The following CACNA1D variants were observed in gnomAD, a reference collection of about 807,000 sequenced individuals.
CACNA1D encodes voltage-dependent L-type calcium channel subunit alpha-1D.
A neutral mutation model predicts 257.1 loss-of-function variants in CACNA1D; 55 were observed. The ratio of observed to expected loss-of-function variants is 0.21; its 90% CI spans 0.17 to 0.27. The LOEUF is 0.27. Among genes scored for constraint, CACNA1D ranks in the 10% least tolerant of loss-of-function variants. The pLI, the probability that CACNA1D is intolerant of heterozygous loss-of-function variation, is 1.00. For missense variants in CACNA1D, 1,876 were observed against 2,784.0 expected (o/e 0.67, Z 7.34); for synonymous variants, 980 against 1,014.9 (o/e 0.97, Z 0.65).
rs907635454 is a variant in CACNA1D, at chr3:53,509,626, G to T, written c.483+7906G>T. Reference sequence around the variant, plus strand: ...GACCCGAGGGAGGGCGGGGAGGCAGGTGCAGACTGCTCAGTGAGTGTGGTG... The same window carrying T: ...GACCCGAGGGAGGGCGGGGAGGCAGTTGCAGACTGCTCAGTGAGTGTGGTG... On this transcript the variant is annotated intron_variant, in intron 3 of 47. Transcript: ENST00000350061. Among the ~76,000 whole-genome samples, 4 of 152,298 alleles carry T rather than the reference G, an allele frequency of 2.6e-5. No homozygotes were observed. The East Asian group carries it at 7.7e-4, about 29-fold the overall frequency.
At chr3:53,781,458 A>G (rs1265561150) in intron 38 of CACNA1D, 108 bp from the exon 39 acceptor site, 4 of 756,898 alleles carry the variant, frequency 5.3e-6, no homozygotes, top group Non-Finnish European at 9.6e-6. Flanking sequence ...GCCCCATCAG[A>G]GGGCAGCATG....
intron 30 of CACNA1D, chr3:53,762,406 C>A: frequency 2.3e-6 from 1 of 432,394 alleles, no homozygotes; most frequent in Non-Finnish European, 4.4e-6. Context: ...AGTGGCGTAT[C>A]TATAACATGT....
intron 3 of CACNA1D, among the ~76,000 whole-genome samples, chr3:53,631,456 C>T (rs1330390713): frequency 6.6e-6 from 1 of 152,120 alleles, no homozygotes; most frequent in African/African-American, 2.4e-5. Context: ...TTGCTATTTC[C>T]ACCATGTCTA....
intron 3 of CACNA1D, among the ~76,000 whole-genome samples, chr3:53,626,994 G>A (rs2093766756): frequency 6.6e-6 from 1 of 152,228 alleles, no homozygotes; most frequent in Non-Finnish European, 1.5e-5. Flanking sequence ...GTGAGAAGGA[G>A]GCAGAGGGAT....
At chr3:53,661,913 A>T (rs563946270) in intron 5 of CACNA1D, among the ~76,000 whole-genome samples, 1 of 152,322 alleles carries the variant, frequency 6.6e-6, no homozygotes, top group South Asian at 2.1e-4. Context: ...GAAAAATGTG[A>T]GTCTGAGTCT....
rs2095608551 is a variant in CACNA1D, at chr3:53,813,214, CT to C, written c.*1809del. The stretch of plus-strand genomic sequence containing the variant: ...CAAACCTCTTCTTAAGACATTCTTA[CT>C]CTGATCCAGGCAAAAACACTTCAAG... On this transcript the variant is annotated 3_prime_UTR_variant, in exon 48 of 48. Transcript: ENST00000350061. 5 of 144,800 alleles carry C rather than the reference CT, an allele frequency of 3.5e-5. No homozygotes were observed. The allele number at this position is 144,800 out of a possible 1,614,324, so 9.0% of individuals were successfully genotyped here. A position where few individuals can be genotyped will look rare whatever the true frequency, so the allele number is the denominator to read the frequency against.
chr3:53,580,607 A>G (rs1404670139), intron 3 of CACNA1D, among the ~76,000 whole-genome samples: 2 of 152,218 alleles, frequency 1.3e-5, no homozygotes, highest in African/African-American at 4.8e-5. Flanking sequence ...AGATGCAGGG[A>G]CAGTTTTGTA....
At chr3:53,785,628 C>G (rs2095448792) in intron 39 of CACNA1D, 1 of 152,236 alleles carries the variant, frequency 6.6e-6, no homozygotes, top group Non-Finnish European at 1.5e-5. Flanking sequence ...AAGGGTGACT[C>G]TGAGGGCTCA....
At chr3:53,580,090 A>T (rs972460412) in intron 3 of CACNA1D, among the ~76,000 whole-genome samples, 1 of 152,234 alleles carries the variant, frequency 6.6e-6, no homozygotes, top group African/African-American at 2.4e-5. Context: ...CTGGCCACCT[A>T]AAATGACCTT....
chr3:53,653,212 C>T (rs2094115872), intron 4 of CACNA1D, among the ~76,000 whole-genome samples: 1 of 152,120 alleles, frequency 6.6e-6, no homozygotes, highest in Admixed American at 6.5e-5. Context: ...AACCATGCCA[C>T]TGCACTCCAA....
chr3:53,802,073 T>G, intron 42 of CACNA1D, 74 bp from the exon 43 acceptor site: 1 of 1,290,942 alleles, frequency 7.7e-7, no homozygotes, highest in South Asian at 1.2e-5. Flanking sequence ...TAGCCTGATG[T>G]TTGCATTGTA....
chr3:53,718,504 G>C lies in CACNA1D; in HGVS notation c.1478+116G>C, dbSNP rs1283445455. On this transcript the variant is annotated intron_variant, in intron 10 of 47. Transcript: ENST00000350061. ...CGGGCCATCGCCTTGGGTGTGGCGGGTGGGAAGGCTCCTCGTACCCCACGC... is the reference window on the plus strand; with the variant it reads ...CGGGCCATCGCCTTGGGTGTGGCGGCTGGGAAGGCTCCTCGTACCCCACGC... 5 of 1,083,168 alleles carry C rather than the reference G, an allele frequency of 4.6e-6. No individual in the cohort carries two copies. The African/African-American group carries it at 7.8e-5, about 17-fold the overall frequency. 67.1% of individuals were successfully genotyped at this position (1,083,168 alleles called of 1,614,324 possible). A position where few individuals can be genotyped will look rare whatever the true frequency, so the allele number is the denominator to read the frequency against.
intron 3 of CACNA1D, among the ~76,000 whole-genome samples, chr3:53,532,199 A>G (rs950045215): frequency 5.3e-5 from 8 of 152,212 alleles, no homozygotes; most frequent in Non-Finnish European, 1.2e-4. Flanking sequence ...GCCCATTGAA[A>G]CAACACCCAG....
intron 27 of CACNA1D, among the ~76,000 whole-genome samples, chr3:53,749,771 T>C (rs1170358895): frequency 6.6e-6 from 1 of 152,230 alleles, no homozygotes; most frequent in Non-Finnish European, 1.5e-5. Flanking sequence ...AGAATCTTAG[T>C]TGGGGTGCTG....
chr3:53,674,106 C>A, intron 8 of CACNA1D: 1 of 519,240 alleles, frequency 1.9e-6, no homozygotes, highest in East Asian at 3.6e-5. Flanking sequence ...TAAAGGAATT[C>A]CAGCCTTGGT....
At chr3:53,691,914 A>T (rs866837040) in intron 8 of CACNA1D, among the ~76,000 whole-genome samples, 80 of 50,314 alleles carry the variant, frequency 1.6e-3, no homozygotes, top group East Asian at 5.2e-3. Context: ...TATTATATAT[A>T]ATATATATTA....
At chr3:53,763,602 G>A (rs2095316031) in intron 30 of CACNA1D, among the ~76,000 whole-genome samples, 1 of 152,216 alleles carries the variant, frequency 6.6e-6, no homozygotes, top group Admixed American at 6.5e-5. Flanking sequence ...GCTCCACAAT[G>A]TCCAGCCCAC....
chr3:53,649,517 C>T (rs1263788072), intron 3 of CACNA1D, among the ~76,000 whole-genome samples: 3 of 151,764 alleles, frequency 2.0e-5, no homozygotes, highest in African/African-American at 7.3e-5. Flanking sequence ...CAAAACTTCC[C>T]CCTCCACACA....
intron 9 of CACNA1D, among the ~76,000 whole-genome samples, chr3:53,716,678 C>G (rs1185854815): frequency 6.6e-6 from 1 of 152,008 alleles, no homozygotes; most frequent in Non-Finnish European, 1.5e-5. Context: ...GAAAATTATT[C>G]TATGAGAGTA....
Sources: gnomAD v4.1 joint callset for allele counts (sites outside exome capture counted in the v4.1 genomes callset) on GRCh38, gnomAD v4.1.1 for gene constraint, MANE v1.5 for transcripts, NCBI Gene and HGNC (gene_info 2026-07-23, HGNC 2026-07-21) for gene names.